The following LARP4 variants were observed in gnomAD, a reference collection of about 807,000 sequenced individuals.
LARP4 encodes the protein La ribonucleoprotein 4.
In LARP4, 29 loss-of-function variants were observed where a neutral mutation model predicts 92.9. The observed-to-expected ratio is 0.31, with a 90% confidence interval of 0.23 to 0.43. The LOEUF (loss-of-function observed/expected upper bound fraction) is 0.43, where lower values mean the gene tolerates loss of function less well. Among genes scored for constraint, LARP4 ranks in the 20% least tolerant of loss-of-function variants. The pLI is 1.00. For missense variants in LARP4, 732 were observed against 860.0 expected (o/e 0.85, Z 1.86); for synonymous variants, 279 against 284.1 (o/e 0.98, Z 0.18).
At chr12:50,474,534 A>C (rs1957334833) in intron 15 of LARP4, among the ~76,000 whole-genome samples, 3 of 152,066 alleles carry the variant, frequency 2.0e-5, no homozygotes, top group Admixed American at 2.0e-4. Context: ...TTTTTAGTAG[A>C]GACGGGGTTT....
intron 1 of LARP4, among the ~76,000 whole-genome samples, chr12:50,412,034 T>C (rs759859080): frequency 3.3e-5 from 5 of 152,168 alleles, no homozygotes; most frequent in Admixed American, 6.6e-5. Context: ...CTATGTAACT[T>C]TGGGCAGATT....
chr12:50,443,522 C>G (rs1951558545), intron 8 of LARP4, among the ~76,000 whole-genome samples: 1 of 152,186 alleles, frequency 6.6e-6, no homozygotes, highest in Non-Finnish European at 1.5e-5. Flanking sequence ...CCATCTCAGC[C>G]TCCCAAAGTG....
chr12:50,440,817 G>C (rs1395415184), intron 7 of LARP4, among the ~76,000 whole-genome samples: 4 of 151,786 alleles, frequency 2.6e-5, no homozygotes, highest in African/African-American at 9.7e-5. Flanking sequence ...CATGTACCTA[G>C]TGGTATTTTT....
intron 1 of LARP4, among the ~76,000 whole-genome samples, chr12:50,423,805 G>A (rs1948267860): frequency 6.7e-6 from 1 of 149,870 alleles, no homozygotes; most frequent in Admixed American, 6.7e-5. Context: ...AGGCTGGGGT[G>A]CAATGATGCA....
intron 1 of LARP4, among the ~76,000 whole-genome samples, chr12:50,409,267 T>G (rs1222157549): frequency 6.6e-6 from 1 of 152,184 alleles, no homozygotes; most frequent in African/African-American, 2.4e-5. Flanking sequence ...TGAGCCACTT[T>G]TTGTTTAATC....
rs547539358 is a variant in LARP4, at chr12:50,400,953, G to A, written c.-58G>A. On this transcript the variant is annotated 5_prime_UTR_variant, in exon 1 of 16. Transcript: ENST00000398473. ...CCTTATCCTAGCAATTGGGGCGCGG[G>A]CCTGTGAGCCAGTTGGAGTTGCGGC... The A allele has an allele frequency of 1.4e-5, 22 of 1,613,174 alleles. No individual in the cohort carries two copies. The highest frequency in any genetic ancestry group is 1.6e-4 in the Middle Eastern group (1 of 6,082).
chr12:50,457,164 A>G (rs1451919909), intron 10 of LARP4, among the ~76,000 whole-genome samples: 1 of 148,574 alleles, frequency 6.7e-6, no homozygotes, highest in African/African-American at 2.5e-5. Context: ...GGCCTCCCAA[A>G]GTCCTGGGAT....
At chr12:50,440,576 A>G (rs766209813) in intron 7 of LARP4, 27 bp downstream of exon 7, 37 of 1,442,774 alleles carry the variant, frequency 2.6e-5, no homozygotes, top group Admixed American at 8.4e-5. Flanking sequence ...TTCTGATACA[A>G]GTCCATCCTA....
chr12:50,423,358 G>C (rs1198192241), intron 1 of LARP4, among the ~76,000 whole-genome samples: 1 of 152,102 alleles, frequency 6.6e-6, no homozygotes, highest in African/African-American at 2.4e-5. Context: ...TATTTTGATA[G>C]AATGCGTCGG....
intron 13 of LARP4, among the ~76,000 whole-genome samples, chr12:50,471,864 T>A (rs1178141386): frequency 2.6e-5 from 4 of 152,210 alleles, no homozygotes; most frequent in African/African-American, 9.6e-5. Context: ...ATATTTTTTT[T>A]ACACATTCTG....
At chr12:50,466,546 C>T (rs752052420) in intron 12 of LARP4, among the ~76,000 whole-genome samples, 1 of 151,856 alleles carries the variant, frequency 6.6e-6, no homozygotes, top group Non-Finnish European at 1.5e-5. Context: ...TCCAGGAAGT[C>T]AAGGTTGTAG....
intron 1 of LARP4, among the ~76,000 whole-genome samples, chr12:50,422,815 T>TATC (rs1948043040): frequency 6.8e-6 from 1 of 147,434 alleles, no homozygotes. Flanking sequence ...TTATTATTAT[T>TATC]ATTATTATTA....
chr12:50,469,401 G>A (rs534145389), intron 13 of LARP4, among the ~76,000 whole-genome samples: 13 of 152,030 alleles, frequency 8.6e-5, no homozygotes, highest in South Asian at 2.1e-4. Context: ...TCAGGAGATC[G>A]GGACCATCCT....
chr12:50,423,436 A>G (rs941273652), intron 1 of LARP4, among the ~76,000 whole-genome samples: 1 of 152,068 alleles, frequency 6.6e-6, no homozygotes, highest in African/African-American at 2.4e-5. Flanking sequence ...GACATGCTTT[A>G]TAAAAAAATC....
intron 8 of LARP4, among the ~76,000 whole-genome samples, chr12:50,452,078 G>T (rs888269811): frequency 6.6e-6 from 1 of 152,140 alleles, no homozygotes; most frequent in African/African-American, 2.4e-5. Flanking sequence ...CGATTCATTT[G>T]CTGTGGACAC....
intron 11 of LARP4, 25 bp from the exon 12 acceptor site, chr12:50,462,557 A>T: frequency 2.1e-6 from 1 of 470,148 alleles, no homozygotes; most frequent in Non-Finnish European, 3.7e-6. Flanking sequence ...ACCCCACCCC[A>T]CCCCCACCTT....
At chr12:50,442,414 C>G (rs1369120149) in intron 8 of LARP4, among the ~76,000 whole-genome samples, 1 of 152,120 alleles carries the variant, frequency 6.6e-6, no homozygotes, top group Non-Finnish European at 1.5e-5. Flanking sequence ...AAATGCTTTC[C>G]AAAAATCTCC....
chr12:50,410,822 C>T (rs1448078558), intron 1 of LARP4, among the ~76,000 whole-genome samples: 1 of 152,016 alleles, frequency 6.6e-6, no homozygotes, highest in African/African-American at 2.4e-5. Flanking sequence ...GGTTAAGTGC[C>T]ACTAATCGAT....
Position 50,440,530 on chromosome 12 carries a change from C to A in LARP4, c.731C>A (p.Ser244Ter). The A allele has an allele frequency of 6.2e-7, 1 of 1,611,118 alleles. No homozygotes were observed. Among genetic ancestry groups the A allele is most frequent in the South Asian group, 1.1e-5 (1 of 91,006 alleles). ...HNSNWYITFQ[S>*]DTDAQQAFKY... is the part of the protein sequence containing the mutation. ...AGCAACTGGTATATCACTTTCCAGT[C>A]AGACACAGATGCACAACAGGTAAGA... The change falls in exon 7 of 16, where the codon TCA becomes TAA. Residue 244 changes from serine to a stop codon, truncating the protein, a stop_gained. Transcript: ENST00000398473. LOFTEE classifies it high-confidence loss of function.
Sources: allele counts gnomAD v4.1 joint callset (sites outside exome capture counted in the v4.1 genomes callset), GRCh38; gene constraint gnomAD v4.1.1; transcripts MANE v1.5; gene names NCBI Gene and HGNC (gene_info 2026-07-23, HGNC 2026-07-21).